Variants in NUDT19 observed in about 807,000 individuals in gnomAD.
NUDT19 encodes acyl-coenzyme A diphosphatase NUDT19.
In NUDT19, 31 loss-of-function variants were observed where a neutral mutation model predicts 22.2. The ratio of observed to expected loss-of-function variants is 1.40; its 90% confidence interval spans 1.05 to 1.89. The LOEUF is 1.89. NUDT19 is among the 40% of genes most tolerant of loss of function. The pLI, the probability that NUDT19 is intolerant of heterozygous loss-of-function variation, is 0.00. For synonymous variants in NUDT19, 325 were observed against 230.8 expected, an observed-to-expected ratio of 1.41 and a Z score of -3.70; for missense variants, 752 against 514.2, an observed-to-expected ratio of 1.46 and a Z score of -4.47.
chr19:32,692,216 C>G lies in NUDT19; in HGVS notation c.256C>G (p.Pro86Ala). Residue 86 changes from proline to alanine, a missense_variant, in exon 1 of 3, where the codon CCG becomes GCG. Physicochemically the swap from Pro to Ala is conservative, Grantham distance 27 (BLOSUM62 -1). Coordinates refer to ENST00000397061, the MANE Select transcript of NUDT19 (RefSeq NM_001105570.2). ...WLGLFAPHHG[P>A]PRFGLGPAPF... ...GGGCCTCTTCGCGCCGCACCACGGG[C>G]CGCCGCGCTTCGGCCTGGGCCCGGC... 2 of 1,582,998 alleles carry G rather than the reference C, an allele frequency of 1.3e-6. No individual in the cohort carries two copies. The highest frequency in any genetic ancestry group is 1.7e-6 in the Non-Finnish European group (2 of 1,173,496).
rs536370613 is a variant in NUDT19, at chr19:32,693,417, A to G, written c.714+743A>G. On this transcript the variant is annotated intron_variant, in intron 1 of 2. Coordinates refer to ENST00000397061, the MANE Select transcript of NUDT19 (RefSeq NM_001105570.2). ...AGCGAAGCTGCAGACATTTGTGGTC[A>G]GTGTTACAGCTTATAAAGGTAGTGC... Among the ~76,000 whole-genome samples the G allele has an allele frequency of 8.2e-4, 125 of 152,188 alleles. 2 individuals carry two copies. The highest frequency in any genetic ancestry group is 4.6e-4 in the Admixed American group (7 of 15,282).
At chr19:32,697,311 G>T (rs1033482846) in intron 1 of NUDT19, among the ~76,000 whole-genome samples, 1 of 152,144 alleles carries the variant, frequency 6.6e-6, no homozygotes, top group Non-Finnish European at 1.5e-5. Context: ...CGCTTTTGGA[G>T]CTTTCTCCTG....
chr19:32,692,444 CCG>C lies in NUDT19; in HGVS notation c.485_486del (p.Pro162ArgfsTer51), dbSNP rs750737064. 4 of 1,546,580 alleles carry C rather than the reference CCG, an allele frequency of 2.6e-6. No individual in the cohort carries two copies. The highest frequency in any genetic ancestry group is 3.5e-6 in the Non-Finnish European group (4 of 1,151,890). On this transcript the variant is annotated frameshift_variant, in exon 1 of 3. Coordinates refer to ENST00000397061, the MANE Select transcript of NUDT19 (RefSeq NM_001105570.2). LOFTEE classifies it high-confidence loss of function. ...PGPGLALEPP[P>X]GLASWRDRVR... ...GCCTGGCCTCGCCCTGGAGCCACCG[CCG>C]GGCCTGGCCTCCTGGCGCGACCGCG...
At chr19:32,708,141 C>T (rs1194197821) in intron 1 of NUDT19, among the ~76,000 whole-genome samples, 1 of 130,620 alleles carries the variant, frequency 7.7e-6, no homozygotes, top group East Asian at 2.5e-4. Context: ...AGAGAGTACT[C>T]GGTCAAAAAA....
Position 32,711,755 on chromosome 19 carries a change from A to G in NUDT19, c.926A>G (p.Asp309Gly). 1 of 1,578,094 alleles carries G rather than the reference A, an allele frequency of 6.3e-7. No homozygotes were observed. The highest frequency in any genetic ancestry group is 1.7e-5 in the Admixed American group (1 of 58,808). The change falls in exon 3 of 3, where the codon GAT becomes GGT. Residue 309 changes from aspartate to glycine, a missense_variant. Coordinates refer to ENST00000397061, the MANE Select transcript of NUDT19 (RefSeq NM_001105570.2). ...ADGMVHLLPG[D>G]ELYLEDSDFL... ...ATCAGATTTTTTCCTTTTTCAGGTG[A>G]TGAGCTATATTTAGAAGATTCAGAC... is the stretch of plus-strand genomic sequence containing the variant.
At position 32,705,587 on chromosome 19, in the gene NUDT19, C is replaced by CTT. The variant is rs11387568; in HGVS notation, c.715-3584_715-3583dup. Among the ~76,000 whole-genome samples, 802 of 139,276 alleles carry CTT rather than the reference C, an allele frequency of 5.8e-3. 7 individuals carry two copies. The highest frequency in any genetic ancestry group is 0.026 in the East Asian group (123 of 4,724). 91.4% of individuals were successfully genotyped at this position (139,276 alleles called of 152,430 possible). A position where few individuals can be genotyped will look rare whatever the true frequency, so the allele number is the denominator to read the frequency against. On this transcript the variant is annotated intron_variant, in intron 1 of 2. Coordinates refer to ENST00000397061, the MANE Select transcript of NUDT19 (RefSeq NM_001105570.2). The stretch of plus-strand genomic sequence containing the variant: ...TTATTCTAGAGCTAATTTAGCTGCA[C>CTT]TTTTTTTTTTTTTTTGAGACATACT...
intron 1 of NUDT19, among the ~76,000 whole-genome samples, chr19:32,700,425 A>G (rs1359379405): frequency 6.6e-6 from 1 of 152,094 alleles, no homozygotes; most frequent in African/African-American, 2.4e-5. Flanking sequence ...GTGCATTTTT[A>G]CAGAGTGCTG....
rs1022472189 is a variant in NUDT19, at chr19:32,712,901, C to T, written c.*944C>T. 1.3e-5 allele frequency: 2 copies of T among 151,984 alleles called. No individual in the cohort carries two copies. The highest frequency in any genetic ancestry group is 2.4e-5 in the African/African-American group (1 of 41,386). 9.4% of individuals were successfully genotyped at this position (151,984 alleles called of 1,614,324 possible). A position where few individuals can be genotyped will look rare whatever the true frequency, so the allele number is the denominator to read the frequency against. Reference sequence around the variant, plus strand: ...TCTGCTGTTTATTGTTCTTGTTATCCACTGTATTAGCACCTTCCCTGATGT... The same window carrying T: ...TCTGCTGTTTATTGTTCTTGTTATCTACTGTATTAGCACCTTCCCTGATGT... On this transcript the variant is annotated 3_prime_UTR_variant, in exon 3 of 3. Transcript: ENST00000397061.
In NUDT19 at chr19:32,713,603, TTCA is replaced by T. The variant is rs1157058596; in HGVS notation, c.*1652_*1654del. 1.3e-5 allele frequency: 2 copies of T among 152,256 alleles called. No individual in the cohort carries two copies. Among genetic ancestry groups the T allele is most frequent in the African/African-American group, 4.8e-5 (2 of 41,478 alleles). The allele number at this position is 152,256 out of a possible 1,614,324, so 9.4% of individuals were successfully genotyped here. A position where few individuals can be genotyped will look rare whatever the true frequency, so the allele number is the denominator to read the frequency against. On this transcript the variant is annotated 3_prime_UTR_variant, in exon 3 of 3. Coordinates refer to ENST00000397061, the MANE Select transcript of NUDT19 (RefSeq NM_001105570.2). Reference sequence around the variant, plus strand: ...TTACTGTATTTAATATGAGTAATTTTTCATCATCTTTCAAGAGGAATAATGTTT... The same window carrying T: ...TTACTGTATTTAATATGAGTAATTTTTCATCTTTCAAGAGGAATAATGTTT...
chr19:32,692,879 T>C (rs1968216467), intron 1 of NUDT19, among the ~76,000 whole-genome samples: 1 of 152,222 alleles, frequency 6.6e-6, no homozygotes. Flanking sequence ...TCCTAGGCTT[T>C]GGGGTCTCAA....
intron 2 of NUDT19, among the ~76,000 whole-genome samples, chr19:32,709,663 T>C (rs1968425282): frequency 6.6e-6 from 1 of 152,012 alleles, no homozygotes; most frequent in Non-Finnish European, 1.5e-5. Flanking sequence ...CTTTTTTTTT[T>C]TTTTTCTGAG....
Position 32,711,962 on chromosome 19 carries a change from C to T in NUDT19, c.*5C>T. On this transcript the variant is annotated 3_prime_UTR_variant, in exon 3 of 3. Transcript: ENST00000397061. The stretch of plus-strand genomic sequence containing the variant: ...GTAAGAAAAAGCCATTTGTAGGGTG[C>T]TTAAGCTTGTTTGTAAAATGGCCTA... 1 of 1,597,346 alleles carries T rather than the reference C, an allele frequency of 6.3e-7. No individual in the cohort carries two copies. The highest frequency in any genetic ancestry group is 1.1e-5 in the South Asian group (1 of 90,192).
chr19:32,702,036 C>A (rs545812032), intron 1 of NUDT19, among the ~76,000 whole-genome samples: 12 of 152,250 alleles, frequency 7.9e-5, no homozygotes, highest in East Asian at 5.8e-4. Context: ...CCTGCAGACC[C>A]TGACCCAATG....
At chr19:32,694,805 C>G (rs1004781516) in intron 1 of NUDT19, among the ~76,000 whole-genome samples, 2 of 152,234 alleles carry the variant, frequency 1.3e-5, no homozygotes, top group African/African-American at 4.8e-5. Flanking sequence ...TCTGTAAGTA[C>G]TTTAAGGTTT....
At chr19:32,700,377 C>T (rs947332630) in intron 1 of NUDT19, among the ~76,000 whole-genome samples, 2 of 151,912 alleles carry the variant, frequency 1.3e-5, no homozygotes, top group African/African-American at 2.4e-5. Flanking sequence ...CTGATTGGTG[C>T]GTTTACAAAC....
intron 1 of NUDT19, among the ~76,000 whole-genome samples, chr19:32,705,869 G>A (rs1023898802): frequency 2.6e-5 from 4 of 152,128 alleles, no homozygotes; most frequent in African/African-American, 7.2e-5. Context: ...ACAGGCATGA[G>A]CCACTGCACC....
At chr19:32,703,300 C>CTAGA (rs1333749753) in intron 1 of NUDT19, among the ~76,000 whole-genome samples, 1 of 152,186 alleles carries the variant, frequency 6.6e-6, no homozygotes, top group Non-Finnish European at 1.5e-5. Context: ...CACACCCAGC[C>CTAGA]TAGACCATCA....
At chr19:32,698,536 C>G (rs1023021991) in intron 1 of NUDT19, among the ~76,000 whole-genome samples, 3 of 152,162 alleles carry the variant, frequency 2.0e-5, no homozygotes, top group African/African-American at 7.2e-5. Flanking sequence ...TGCCCAAGAA[C>G]CTGCAACAGT....
intron 1 of NUDT19, among the ~76,000 whole-genome samples, chr19:32,700,554 C>T (rs942132287): frequency 9.9e-5 from 15 of 152,168 alleles, no homozygotes; most frequent in Admixed American, 7.2e-4. Flanking sequence ...CTCAGCTTCC[C>T]GGGTAGCTGG....
Sources: gnomAD v4.1 joint callset for allele counts (sites outside exome capture counted in the v4.1 genomes callset) on GRCh38, gnomAD v4.1.1 for gene constraint, MANE v1.5 for transcripts, NCBI Gene and HGNC (gene_info 2026-07-23, HGNC 2026-07-21) for gene names.